LEUTX: variants seen among roughly 807,000 people sequenced by gnomAD.
LEUTX encodes the protein leucine twenty homeobox, also known as paired-like homeodomain transcription factor LEUTX.
A neutral mutation model predicts 4.5 loss-of-function variants in LEUTX; 5 were observed. That is an observed-to-expected ratio of 1.11 (90% CI 0.58 to 2.34). The LOEUF (loss-of-function observed/expected upper bound fraction) is 2.34, where lower values mean the gene tolerates loss of function less well. Among genes scored for constraint, LEUTX ranks in the 30% most tolerant of loss-of-function variants. The pLI is 0.01. For synonymous variants in LEUTX, 89 were observed against 85.1 expected, an observed-to-expected ratio of 1.05 and a Z score of -0.25; for missense variants, 233 against 239.4, an observed-to-expected ratio of 0.97 and a Z score of 0.18.
intron 1 of LEUTX, among the ~76,000 whole-genome samples, chr19:39,782,807 T>G (rs928672185): frequency 3.9e-5 from 6 of 152,192 alleles, no homozygotes; most frequent in Non-Finnish European, 7.3e-5. Context: ...AGCTCTTGAT[T>G]CACAGGTCAA....
upstream of LEUTX, among the ~76,000 whole-genome samples, chr19:39,778,552 G>A (rs566821601): frequency 3.9e-5 from 6 of 151,970 alleles, no homozygotes; most frequent in East Asian, 7.7e-4. Context: ...TTCTCTCAGC[G>A]CCTTGTTTAT....
At chr19:39,781,573 C>T (rs1336175206) in intron 1 of LEUTX, among the ~76,000 whole-genome samples, 1 of 152,126 alleles carries the variant, frequency 6.6e-6, no homozygotes, top group Non-Finnish European at 1.5e-5. Flanking sequence ...AGTGGGTTCT[C>T]TATCTCTAAG....
intron 1 of LEUTX, among the ~76,000 whole-genome samples, chr19:39,780,507 AT>A (rs575822143): frequency 1.9e-3 from 283 of 152,132 alleles, no homozygotes; most frequent in African/African-American, 6.5e-3. Flanking sequence ...CAAATCTTGA[AT>A]TTTTTTTAAT....
Position 39,786,153 on chromosome 19 carries a change from C to T in LEUTX, c.*18C>T, listed in dbSNP as rs1209612488. The T allele has an allele frequency of 6.7e-7, 1 of 1,492,046 alleles. No individual in the cohort carries two copies. The highest frequency in any genetic ancestry group is 1.4e-5 in the South Asian group (1 of 72,928). 92.4% of individuals were successfully genotyped at this position (1,492,046 alleles called of 1,614,324 possible). On this transcript the variant is annotated 3_prime_UTR_variant, in exon 3 of 3. Transcript: ENST00000638280. ...CAGTGTAACTTCTTACACATCACTT[C>T]TAGGGGAGGTCTGGATCTGACCCAC... is the stretch of plus-strand genomic sequence containing the variant.
chr19:39,783,260 A>ATT (rs2144958087), intron 1 of LEUTX, among the ~76,000 whole-genome samples: 1 of 146,638 alleles, frequency 6.8e-6, no homozygotes. Flanking sequence ...ATATATATAA[A>ATT]TTATATATAT....
rs117937250 is a variant in LEUTX at position 39,784,554 on chromosome 19, G to A, written c.35G>A (p.Arg12His). ...GGGCCAAGGCGTTATCGTCGGCCACGCACAAGATTTCTCTCCAAACAACTC... is the reference window on the plus strand; with the variant it reads ...GGGCCAAGGCGTTATCGTCGGCCACACACAAGATTTCTCTCCAAACAACTC... ...FEGPRRYRRP[R>H]TRFLSKQLTA... The change falls in exon 2 of 3, where the codon CGC becomes CAC. Residue 12 changes from arginine (R) to histidine (H), a missense_variant. Arg to His is a conservative substitution (Grantham distance 29). Transcript: ENST00000638280. 1.6e-5 allele frequency: 20 copies of A among 1,277,378 alleles called. No homozygotes were observed. The East Asian group carries it at 4.0e-4, about 26-fold the overall frequency. The allele number at this position is 1,277,378 out of a possible 1,614,324, so 79.1% of individuals were successfully genotyped here.
chr19:39,784,451 G>A, intron 1 of LEUTX, 76 bp from the exon 2 acceptor site: 1 of 659,432 alleles, frequency 1.5e-6, no homozygotes, highest in South Asian at 1.7e-5. Context: ...TCCCACAGGT[G>A]TTCCCTTGAT....
At chr19:39,782,813 G>T (rs1568515086) in intron 1 of LEUTX, among the ~76,000 whole-genome samples, 1 of 152,128 alleles carries the variant, frequency 6.6e-6, no homozygotes, top group East Asian at 1.9e-4. Flanking sequence ...TGATTCACAG[G>T]TCAAGCTTAG....
At chr19:39,776,808 G>A (rs1300457438), upstream of LEUTX, 1 of 385,198 alleles carries the variant, frequency 2.6e-6, no homozygotes, top group Admixed American at 3.0e-5. Flanking sequence ...TTGAGCCTGG[G>A]AGGCGGAGGT....
upstream of LEUTX, among the ~76,000 whole-genome samples, chr19:39,777,579 T>A (rs1173569334): frequency 6.6e-6 from 1 of 152,190 alleles, no homozygotes; most frequent in Non-Finnish European, 1.5e-5. Flanking sequence ...ACGGAAAATT[T>A]GAGGCCCACT....
intron 1 of LEUTX, among the ~76,000 whole-genome samples, chr19:39,779,237 G>A (rs1967848261): frequency 6.6e-6 from 1 of 152,064 alleles, no homozygotes; most frequent in South Asian, 2.1e-4. Flanking sequence ...ATAAGTGTGT[G>A]CCACCATGTC....
At chr19:39,780,317 A>G (rs1456590178) in intron 1 of LEUTX, among the ~76,000 whole-genome samples, 2 of 152,200 alleles carry the variant, frequency 1.3e-5, no homozygotes, top group African/African-American at 4.8e-5. Flanking sequence ...TTGCTTTTCT[A>G]AAGACCAGTA....
rs1205789268 is a variant in LEUTX at position 39,784,555 on chromosome 19, CA to C, written c.37del (p.Thr13GlnfsTer11). ...EGPRRYRRPR[T>X]RFLSKQLTAL... ...GGCCAAGGCGTTATCGTCGGCCACGCACAAGATTTCTCTCCAAACAACTCAC... is the reference window on the plus strand; with the variant it reads ...GGCCAAGGCGTTATCGTCGGCCACGCCAAGATTTCTCTCCAAACAACTCAC... On this transcript the variant is annotated frameshift_variant, in exon 2 of 3. Coordinates refer to ENST00000638280, the MANE Select transcript of LEUTX (RefSeq NM_001382345.1). LOFTEE classifies it high-confidence loss of function. 2 of 1,295,584 alleles carry C rather than the reference CA, an allele frequency of 1.5e-6. No individual in the cohort carries two copies. The highest frequency in any genetic ancestry group is 2.5e-5 in the South Asian group (2 of 78,918). 80.3% of individuals were successfully genotyped at this position (1,295,584 alleles called of 1,614,324 possible). A position where few individuals can be genotyped will look rare whatever the true frequency, so the allele number is the denominator to read the frequency against.
chr19:39,776,486 T>C (rs557105202), upstream of LEUTX: 1 of 391,620 alleles, frequency 2.6e-6, no homozygotes, highest in African/African-American at 2.1e-5. Context: ...AGTTCTGACC[T>C]GGCCTGGGGC....
chr19:39,781,349 C>A (rs1967883894), intron 1 of LEUTX, among the ~76,000 whole-genome samples: 1 of 152,098 alleles, frequency 6.6e-6, no homozygotes, highest in Non-Finnish European at 1.5e-5. Context: ...AATAGATGAC[C>A]ATGAGAATCA....
chr19:39,779,388 A>C (rs1043939170), intron 1 of LEUTX, among the ~76,000 whole-genome samples: 3 of 152,132 alleles, frequency 2.0e-5, no homozygotes, highest in African/African-American at 7.2e-5. Flanking sequence ...ATAGTATGTG[A>C]TCTTTAATTC....
intron 2 of LEUTX, 23 bp from the exon 3 acceptor site, chr19:39,785,675 C>G: frequency 6.5e-7 from 1 of 1,538,478 alleles, no homozygotes; most frequent in South Asian, 1.2e-5. Context: ...CCATTATTAA[C>G]CTCCCCCCTC....
chr19:39,779,972 C>T (rs555499917), intron 1 of LEUTX, among the ~76,000 whole-genome samples: 181 of 152,262 alleles, frequency 1.2e-3, no homozygotes, highest in South Asian at 7.9e-3. Context: ...TGAGATTGCA[C>T]CGCTGTACTC....
chr19:39,778,970 G>C (rs1967842567), intron 1 of LEUTX, 43 bp downstream of exon 1: 1 of 152,298 alleles, frequency 6.6e-6, no homozygotes, highest in African/African-American at 2.4e-5. Context: ...CAGTGATTGG[G>C]TTGCAGACAA....
Sources: allele counts gnomAD v4.1 joint callset (sites outside exome capture counted in the v4.1 genomes callset), GRCh38; gene constraint gnomAD v4.1.1; transcripts MANE v1.5; gene names NCBI Gene and HGNC (gene_info 2026-07-23, HGNC 2026-07-21).